Variants in ZNF185 observed in about 807,000 individuals in gnomAD.
ZNF185 encodes the protein zinc finger protein 185.
ZNF185 carries 56 observed loss-of-function variants against 58.6 expected under a neutral mutation model. That is an observed-to-expected ratio of 0.95 (90% CI 0.77 to 1.19). The LOEUF is 1.19. Among genes scored for constraint, ZNF185 ranks in the 50% most tolerant of loss-of-function variants. The pLI is 0.00. For synonymous variants in ZNF185, 230 were observed against 215.9 expected, an observed-to-expected ratio of 1.07 and a Z score of -0.57; for missense variants, 627 against 573.5, an observed-to-expected ratio of 1.09 and a Z score of -0.95.
At chrX:152,926,984 G>C (rs1940983236) in intron 11 of ZNF185, among the ~76,000 whole-genome samples, 1 of 112,303 alleles carries the variant, frequency 8.9e-6, no homozygotes, top group African/African-American at 3.2e-5. Context: ...CTCGGCCTCT[G>C]TCTTCGCGCA....
chrX:152,934,248 C>T (rs187562900), intron 14 of ZNF185, among the ~76,000 whole-genome samples: 11 of 112,500 alleles, frequency 9.8e-5, no homozygotes, highest in South Asian at 3.7e-4. Flanking sequence ...TCTATCCAGT[C>T]GGGGCTCCTG....
intron 16 of ZNF185, among the ~76,000 whole-genome samples, chrX:152,955,122 A>G (rs1183530320): frequency 8.9e-6 from 1 of 111,845 alleles, no homozygotes; most frequent in African/African-American, 3.3e-5. Flanking sequence ...AGAGTTAGCT[A>G]TTGTTACAGG....
intron 13 of ZNF185, 139 bp downstream of exon 14, chrX:152,931,915 C>T (rs1942055783): frequency 2.9e-6 from 1 of 350,719 alleles, no homozygotes; most frequent in East Asian, 5.3e-5. Flanking sequence ...CACTGTTCCC[C>T]CAGTACCTGG....
At chrX:152,964,443 G>A (rs2049903135) in intron 18 of ZNF185, among the ~76,000 whole-genome samples, 2 of 112,576 alleles carry the variant, frequency 1.8e-5, no homozygotes, top group South Asian at 3.7e-4. Context: ...AGCCGAAGTG[G>A]GAGCAGGACC....
At chrX:152,937,965 G>C in intron 14 of ZNF185, 109 bp from the exon 17 acceptor site, 1 of 710,864 alleles carries the variant, frequency 1.4e-6, no homozygotes, top group East Asian at 3.5e-5. Context: ...GCCTTTACTG[G>C]AAGACACAGT....
At chrX:152,941,781 C>A (rs1455266146) in intron 15 of ZNF185, 1 of 1,164,208 alleles carries the variant, frequency 8.6e-7, no homozygotes, top group South Asian at 1.9e-5. Context: ...CGCCAGAGGT[C>A]GCCCGAGGAT....
chrX:152,936,480 C>G (rs2125581581), intron 14 of ZNF185: 3 of 1,166,730 alleles, frequency 2.6e-6, no homozygotes, highest in Non-Finnish European at 3.4e-6. Context: ...AGTGCCAACT[C>G]TCAGTCCTGC....
chrX:152,932,293 G>A (rs1204011040), intron 13 of ZNF185, among the ~76,000 whole-genome samples: 1 of 112,343 alleles, frequency 8.9e-6, no homozygotes, highest in East Asian at 2.8e-4. Context: ...AGGGGTGAGG[G>A]GTCCAGGACG....
intron 7 of ZNF185, 70 bp from the exon 9 acceptor site, chrX:152,920,258 C>T (rs782496991): frequency 5.7e-4 from 633 of 1,118,024 alleles, no homozygotes; most frequent in Non-Finnish European, 7.3e-4. Context: ...CGAGTCCATC[C>T]CAGGCTAGGC....
At chrX:152,931,247 A>G (rs1180137876) in intron 12 of ZNF185, among the ~76,000 whole-genome samples, 1 of 112,174 alleles carries the variant, frequency 8.9e-6, no homozygotes, top group Non-Finnish European at 1.9e-5. Flanking sequence ...ATAATTGGCC[A>G]ATCTGTCAAT....
At chrX:152,954,591 A>T (rs1426847716) in intron 16 of ZNF185, among the ~76,000 whole-genome samples, 2 of 112,205 alleles carry the variant, frequency 1.8e-5, no homozygotes, top group Non-Finnish European at 3.8e-5. Flanking sequence ...AGCATGTCCC[A>T]AACCATCTTT....
intron 11 of ZNF185, 97 bp from the exon 13 acceptor site, chrX:152,928,478 G>A (rs1364428023): frequency 1.0e-5 from 9 of 860,420 alleles, no homozygotes; most frequent in Non-Finnish European, 1.5e-5. Context: ...ACATCAAAAG[G>A]GGGCAGTGGG....
At chrX:152,948,758 A>T (rs2048017985) in intron 16 of ZNF185, among the ~76,000 whole-genome samples, 1 of 112,524 alleles carries the variant, frequency 8.9e-6, no homozygotes, top group Non-Finnish European at 1.9e-5. Context: ...GACCCCTGAC[A>T]CAGATGGGCA....
At chrX:152,928,956 G>A (rs1456472016) in intron 12 of ZNF185, among the ~76,000 whole-genome samples, 2 of 112,722 alleles carry the variant, frequency 1.8e-5, no homozygotes, top group African/African-American at 3.2e-5. Flanking sequence ...GGCAGACGCC[G>A]ACATGAGCAT....
chrX:152,938,971 A>G (rs2046794267), intron 15 of ZNF185, among the ~76,000 whole-genome samples: 1 of 107,386 alleles, frequency 9.3e-6, no homozygotes, highest in Non-Finnish European at 1.9e-5. Context: ...AGGAACCACA[A>G]ACCAACTAAC....
chrX:152,960,420 G>T (rs1556909329), intron 17 of ZNF185, among the ~76,000 whole-genome samples: 1 of 112,150 alleles, frequency 8.9e-6, no homozygotes, highest in African/African-American at 3.2e-5. Context: ...GAGGAAACAG[G>T]GGCTCTGAAT....
At chrX:152,945,895 G>A (rs1462504461) in intron 16 of ZNF185, among the ~76,000 whole-genome samples, 4 of 112,130 alleles carry the variant, frequency 3.6e-5, no homozygotes, top group African/African-American at 9.7e-5. Flanking sequence ...GTGACAGAGT[G>A]AAGCAGAGAG....
chrX:152,938,085 CT>C lies in ZNF185; in HGVS notation c.1135del (p.Ser379GlnfsTer94). 1 of 1,178,686 alleles carries C rather than the reference CT, an allele frequency of 8.5e-7. No individual in the cohort carries two copies. The highest frequency in any genetic ancestry group is 1.1e-6 in the Non-Finnish European group (1 of 878,497). On this transcript the variant is annotated frameshift_variant, in exon 15 of 23. Coordinates refer to ENST00000449285, the Ensembl canonical transcript of ZNF185. LOFTEE classifies it high-confidence loss of function. ...GTTTCCTTCCTCAGCTCCAGTGCCA[CT>C]TCAGTCTCTGCTGTCCCTGCTGATA... is the stretch of plus-strand genomic sequence containing the variant.
intron 15 of ZNF185, 103 bp from the exon 18 acceptor site, chrX:152,945,164 G>A: frequency 1.1e-6 from 1 of 905,001 alleles, no homozygotes; most frequent in Non-Finnish European, 1.5e-6. Context: ...AGGGATATGA[G>A]TCCCTCCAAG....
Sources: allele counts gnomAD v4.1 joint callset (sites outside exome capture counted in the v4.1 genomes callset), GRCh38; gene constraint gnomAD v4.1.1; transcripts MANE v1.5; gene names NCBI Gene and HGNC (gene_info 2026-07-23, HGNC 2026-07-21).